The following ALK variants were observed in gnomAD, a reference collection of about 807,000 sequenced individuals.
ALK encodes ALK tyrosine kinase receptor.
Under a neutral mutation model 163.1 loss-of-function variants are expected in ALK, and 74 were observed. The observed-to-expected ratio is 0.45, with a 90% CI of 0.38 to 0.55. The LOEUF (loss-of-function observed/expected upper bound fraction) is 0.55, where lower values mean the gene tolerates loss of function less well. ALK is among the 20% of genes least tolerant of loss of function. ALK has a pLI of 0.00. For synonymous variants in ALK, 960 were observed against 843.2 expected (o/e 1.14, Z -2.40); for missense variants, 2,063 against 2,105.3 (o/e 0.98, Z 0.39).
chr2:29,642,623 T>A (rs1254654725), intron 3 of ALK, among the ~76,000 whole-genome samples: 1 of 152,146 alleles, frequency 6.6e-6, no homozygotes, highest in Non-Finnish European at 1.5e-5. Flanking sequence ...TCAGCTTCCT[T>A]TTTCACTGGG....
intron 24 of ALK, among the ~76,000 whole-genome samples, chr2:29,211,212 T>A (rs1669458128): frequency 6.6e-6 from 1 of 152,166 alleles, no homozygotes; most frequent in Non-Finnish European, 1.5e-5. Context: ...GCTGACCTGA[T>A]CCAGAAGGTT....
chr2:29,417,562 C>T (rs531597173), intron 4 of ALK, among the ~76,000 whole-genome samples: 21 of 152,068 alleles, frequency 1.4e-4, no homozygotes, highest in African/African-American at 4.6e-4. Flanking sequence ...TAAAGAGACC[C>T]GTGGAGAGGA....
At chr2:29,657,625 G>A (rs1368654912) in intron 3 of ALK, among the ~76,000 whole-genome samples, 4 of 152,100 alleles carry the variant, frequency 2.6e-5, no homozygotes, top group Admixed American at 1.3e-4. Flanking sequence ...AACACAGTGG[G>A]TAGATACACT....
At chr2:29,503,866 T>C (rs548591934) in intron 4 of ALK, among the ~76,000 whole-genome samples, 1 of 152,132 alleles carries the variant, frequency 6.6e-6, no homozygotes, top group East Asian at 1.9e-4. Context: ...ACTGTGGATA[T>C]AATGAGATCC....
intron 1 of ALK, among the ~76,000 whole-genome samples, chr2:29,912,928 G>T (rs1667745139): frequency 6.6e-6 from 1 of 152,130 alleles, no homozygotes; most frequent in Admixed American, 6.5e-5. Flanking sequence ...AAGATAAGTA[G>T]GGGTCAAAGA....
rs78880328 is a variant in ALK, at chr2:29,368,551, C to A, written c.1282+15181G>T. ...GAAGTAGGGCTTCTTGTTGCAAAAT[C>A]AAATTACCAGGTGGTGGGGAAATGG... is the stretch of plus-strand genomic sequence containing the variant. On this transcript the variant is annotated intron_variant, in intron 5 of 28. Transcript: ENST00000389048. Among the ~76,000 whole-genome samples, 65 of 152,288 alleles carry A rather than the reference C, an allele frequency of 4.3e-4. No individual in the cohort carries two copies. The East Asian group carries it at 0.012, about 28-fold the overall frequency.
chr2:29,342,424 G>A (rs1248709578), intron 5 of ALK, among the ~76,000 whole-genome samples: 1 of 152,170 alleles, frequency 6.6e-6, no homozygotes, highest in African/African-American at 2.4e-5. Context: ...GTAGAATGGT[G>A]GTTACAGGGT....
At chr2:29,866,778 T>C (rs1319201451) in intron 1 of ALK, among the ~76,000 whole-genome samples, 2 of 152,182 alleles carry the variant, frequency 1.3e-5, no homozygotes, top group African/African-American at 2.4e-5. Flanking sequence ...TAAAGGCCTA[T>C]TGAAAATGAG....
Position 29,320,811 on chromosome 2 carries a change from G to A in ALK, c.1486C>T (p.Pro496Ser). 1 of 1,614,144 alleles carries A rather than the reference G, an allele frequency of 6.2e-7. No individual in the cohort carries two copies. Reference sequence around the variant, plus strand: ...CTGACCTGCCATTGAGGAGTGTGGGGTGACAGTGTGCCTTGGGTCCAGCCA... The same window carrying A: ...CTGACCTGCCATTGAGGAGTGTGGGATGACAGTGTGCCTTGGGTCCAGCCA... ...FCGWTQGTLSPHTPQWQVRTL... is the reference protein window; with the variant it reads ...FCGWTQGTLSSHTPQWQVRTL... The change falls in exon 7 of 29, where the codon CCC (proline) becomes TCC (serine). Residue 496 changes from proline (P) to serine (S), a missense_variant. Pro to Ser is a moderately conservative substitution (Grantham distance 74). This residue lies in a region of ALK where 987 missense variants were observed against 939.5 expected (regional missense o/e 1.05). Transcript: ENST00000389048.
chr2:29,357,015 G>A (rs1668265979), intron 5 of ALK, among the ~76,000 whole-genome samples: 1 of 152,154 alleles, frequency 6.6e-6, no homozygotes, highest in African/African-American at 2.4e-5. Flanking sequence ...TAGTTTGTGA[G>A]TAAACCACAG....
At chr2:29,273,146 C>T (rs1665437309) in intron 11 of ALK, among the ~76,000 whole-genome samples, 1 of 152,230 alleles carries the variant, frequency 6.6e-6, no homozygotes, top group Non-Finnish European at 1.5e-5. Flanking sequence ...CCTGCTGCCT[C>T]GTAGGCCACT....
At chr2:29,800,649 G>A (rs906957970) in intron 1 of ALK, among the ~76,000 whole-genome samples, 6 of 152,148 alleles carry the variant, frequency 3.9e-5, no homozygotes, top group African/African-American at 7.2e-5. Flanking sequence ...AAGGACCAGA[G>A]CCCTGGAGGC....
intron 3 of ALK, among the ~76,000 whole-genome samples, chr2:29,660,512 C>T (rs2148261430): frequency 1.2e-5 from 1 of 86,216 alleles, no homozygotes; most frequent in Admixed American, 1.1e-4. Flanking sequence ...CAATGCCTCA[C>T]ACAATTCCCT....
chr2:29,442,847 C>T (rs1407285974), intron 4 of ALK, among the ~76,000 whole-genome samples: 1 of 152,184 alleles, frequency 6.6e-6, no homozygotes, highest in East Asian at 1.9e-4. Flanking sequence ...TTTGTAAAAA[C>T]ATAGTGTTAG....
chr2:29,343,480 G>A (rs1442536055), intron 5 of ALK, among the ~76,000 whole-genome samples: 2 of 152,086 alleles, frequency 1.3e-5, no homozygotes, highest in Admixed American at 1.3e-4. Context: ...CTCCCAAAGT[G>A]TTGAGATGAT....
In ALK at chr2:29,197,646, A is replaced by C. The variant is rs1372668818; in HGVS notation, c.3969T>G (p.Phe1323Leu). ...WSFGVLLWEIFSLGYMPYPSK... is the reference protein window; with the variant it reads ...WSFGVLLWEILSLGYMPYPSK... ...TGGGGTATGGCATATATCCAAGAGA[A>C]AAGATTTCCCATAGCAGCACTCCAA... Residue 1323 changes from phenylalanine to leucine, a missense_variant, in exon 27 of 29, where the codon TTT (phenylalanine) becomes TTG (leucine). Coordinates refer to ENST00000389048, the MANE Select transcript of ALK (RefSeq NM_004304.5). The C allele has an allele frequency of 1.9e-5, 30 of 1,614,046 alleles. No individual in the cohort carries two copies. Among genetic ancestry groups the C allele is most frequent in the Non-Finnish European group, 2.4e-5 (28 of 1,180,008 alleles).
At chr2:29,747,232 A>G (rs1354947877) in intron 1 of ALK, among the ~76,000 whole-genome samples, 4 of 152,240 alleles carry the variant, frequency 2.6e-5, no homozygotes, top group African/African-American at 9.6e-5. Flanking sequence ...TCCTCTAATC[A>G]GGGCTTTATT....
At chr2:29,426,204 C>T (rs1670132253) in intron 4 of ALK, among the ~76,000 whole-genome samples, 1 of 152,168 alleles carries the variant, frequency 6.6e-6, no homozygotes, top group African/African-American at 2.4e-5. Flanking sequence ...TGATCACACA[C>T]ACCATGCCCT....
intron 6 of ALK, among the ~76,000 whole-genome samples, chr2:29,326,162 C>A (rs562123863): frequency 6.6e-6 from 1 of 152,162 alleles, no homozygotes; most frequent in Non-Finnish European, 1.5e-5. Flanking sequence ...AGCCTCTGGG[C>A]CCCAGGTTCT....
Sources: allele counts gnomAD v4.1 joint callset (sites outside exome capture counted in the v4.1 genomes callset), GRCh38; gene constraint gnomAD v4.1.1; regional missense constraint gnomAD v4.1.1; transcripts MANE v1.5; gene names NCBI Gene and HGNC (gene_info 2026-07-23, HGNC 2026-07-21).